VPS9D1: variants seen among roughly 807,000 people sequenced by gnomAD.
VPS9D1 encodes the protein VPS9 domain containing 1, also known as VPS9 domain-containing protein 1.
VPS9D1 carries 78 observed loss-of-function variants against 75.8 expected under a neutral mutation model. That is an observed-to-expected ratio of 1.03 (90% CI 0.86 to 1.24). The LOEUF (loss-of-function observed/expected upper bound fraction) is 1.24, where lower values mean the gene tolerates loss of function less well. Among genes scored for constraint, VPS9D1 ranks in the 50% most tolerant of loss-of-function variants. The probability of loss-of-function intolerance (pLI) is 0.00; values close to 1 mark genes in which losing one functional copy is unlikely to be tolerated. For synonymous variants in VPS9D1, 481 were observed against 385.6 expected, an observed-to-expected ratio of 1.25 and a Z score of -2.90; for missense variants, 1,057 against 847.7, an observed-to-expected ratio of 1.25 and a Z score of -3.07.
intron 6 of VPS9D1, 113 bp from the exon 7 acceptor site, chr16:89,712,212 GCTGTCCCC>G (rs1161107225): frequency 2.7e-6 from 4 of 1,471,316 alleles, no homozygotes; most frequent in Non-Finnish European, 3.7e-6. Flanking sequence ...TCGGTGAGGG[GCTGTCCCC>G]AGGTAAGGCT....
Position 89,710,911 on chromosome 16 carries a change from T to A in VPS9D1, c.933A>T (p.Pro311=). 1 of 1,490,212 alleles carries A rather than the reference T, an allele frequency of 6.7e-7. No homozygotes were observed. The highest frequency in any genetic ancestry group is 8.9e-7 in the Non-Finnish European group (1 of 1,124,970). 92.3% of individuals were successfully genotyped at this position (1,490,212 alleles called of 1,614,324 possible). Residue 311 remains proline, a synonymous_variant, in exon 10 of 15, where the codon CCA becomes CCT. Coordinates refer to ENST00000389386, the MANE Select transcript of VPS9D1 (RefSeq NM_004913.3). ...PAVSRAAAPA[P]GCCPPTPNPG... is the part of the protein sequence containing the mutation. Reference sequence around the variant, plus strand: ...GGTTGGGGGTCGGGGGGCAGCAGCCTGGGGCTGGCGCGGCTGCTCTGCTCA... The same window carrying A: ...GGTTGGGGGTCGGGGGGCAGCAGCCAGGGGCTGGCGCGGCTGCTCTGCTCA...
At chr16:89,710,515 G>A in intron 10 of VPS9D1, 71 bp downstream of exon 10, 1 of 1,488,200 alleles carries the variant, frequency 6.7e-7, no homozygotes, top group African/African-American at 1.4e-5. Flanking sequence ...TCCCCAAACA[G>A]AAGCTTGAAA....
intron 4 of VPS9D1, among the ~76,000 whole-genome samples, chr16:89,715,672 C>G (rs1423201729): frequency 1.3e-5 from 2 of 151,750 alleles, no homozygotes; most frequent in Admixed American, 1.3e-4. Context: ...CAGGGGCACA[C>G]CACTATGCCT....
rs377689894 is a variant in VPS9D1, at chr16:89,707,823, G to A, written c.*38C>T. 17 of 1,597,778 alleles carry A rather than the reference G, an allele frequency of 1.1e-5. No homozygotes were observed. Among genetic ancestry groups the A allele is most frequent in the East Asian group, 2.2e-5 (1 of 44,778 alleles). Reference sequence around the variant, plus strand: ...TGTAGGAGAGACAGCCCTGGGAGGCGAGGCCAGGCCCTGCAGGGACCCTGG... The same window carrying A: ...TGTAGGAGAGACAGCCCTGGGAGGCAAGGCCAGGCCCTGCAGGGACCCTGG... On this transcript the variant is annotated 3_prime_UTR_variant, in exon 15 of 15. Transcript: ENST00000389386.
In VPS9D1 at chr16:89,716,475, G is replaced by A; in HGVS notation, c.418C>T (p.Gln140Ter). 6.2e-7 allele frequency: 1 copy of A among 1,614,002 alleles called. No homozygotes were observed. Among genetic ancestry groups the A allele is most frequent in the East Asian group, 2.2e-5 (1 of 44,882 alleles). ...TGTCCATCTTACTTCTTACAGCTTT[G>A]TGACTCTGCCCCCTGAAGCTTCTGG... The part of the protein sequence containing the change: ...IFQKLQGAES[Q>*]SCKKELTPLE... Residue 140 changes from glutamine to a stop codon, truncating the protein, a stop_gained, in exon 4 of 15, where the codon CAA (glutamine) becomes TAA (stop). Coordinates refer to ENST00000389386, the MANE Select transcript of VPS9D1 (RefSeq NM_004913.3). LOFTEE classifies it high-confidence loss of function.
At position 89,707,952 on chromosome 16, in the gene VPS9D1, T is replaced by C. The variant is rs566042318; in HGVS notation, c.1805A>G (p.Tyr602Cys). Residue 602 changes from tyrosine (Y) to cysteine (C), a missense_variant and splice_region_variant, in exon 15 of 15, where the codon TAC becomes TGC. Physicochemically the swap from Tyr to Cys is radical, Grantham distance 194. Transcript: ENST00000389386. ...GCAGTAGCCCTCCTCTCCGATCAGGTACCTGCATGGATGGCAGGGGCAGCC... is the reference window on the plus strand; with the variant it reads ...GCAGTAGCCCTCCTCTCCGATCAGGCACCTGCATGGATGGCAGGGGCAGCC... ...AALEEFIHEGYLIGEEGYCLT... is the reference protein window; with the variant it reads ...AALEEFIHEGCLIGEEGYCLT... 6 of 1,612,880 alleles carry C rather than the reference T, an allele frequency of 3.7e-6. No homozygotes were observed. The East Asian group carries it at 1.1e-4, about 30-fold the overall frequency.
In VPS9D1 at chr16:89,719,016, C is replaced by T. The variant is rs2061165223; in HGVS notation, c.175+11G>A. ...GGCGTGAGCCACCGCGCCCGGCTGG[C>T]TGAGCCGTACCTTTAGTGGTTTCCA... On this transcript the variant is annotated intron_variant, in intron 2 of 14. Coordinates refer to ENST00000389386, the MANE Select transcript of VPS9D1 (RefSeq NM_004913.3). 1 of 1,610,786 alleles carries T rather than the reference C, an allele frequency of 6.2e-7. No homozygotes were observed. Among genetic ancestry groups the T allele is most frequent in the Admixed American group, 1.7e-5 (1 of 59,964 alleles).
At chr16:89,709,577 C>T in intron 11 of VPS9D1, 142 bp from the exon 12 acceptor site, 5 of 1,271,046 alleles carry the variant, frequency 3.9e-6, no homozygotes, top group Non-Finnish European at 5.3e-6. Flanking sequence ...AGACCCCAGG[C>T]ACGGGAGAGT....
chr16:89,717,311 T>G (rs1337988078), intron 2 of VPS9D1: 2 of 348,396 alleles, frequency 5.7e-6, no homozygotes, highest in Admixed American at 7.7e-5. Flanking sequence ...AAACAGGCCT[T>G]TAGTGCTCAC....
chr16:89,719,868 A>C (rs961639110), intron 1 of VPS9D1, among the ~76,000 whole-genome samples: 4 of 152,048 alleles, frequency 2.6e-5, no homozygotes, highest in African/African-American at 9.7e-5. Flanking sequence ...ACAGGTGTGC[A>C]CCGCCACACC....
At chr16:89,716,867 GTTAC>G (rs769498180) in intron 2 of VPS9D1, 45 bp from the exon 3 acceptor site, 20 of 1,513,274 alleles carry the variant, frequency 1.3e-5, no homozygotes, top group African/African-American at 1.1e-4. Flanking sequence ...CTCTACCACT[GTTAC>G]TTACTGCTGA....
chr16:89,717,735 C>G (rs1331658910), intron 2 of VPS9D1: 1 of 456,664 alleles, frequency 2.2e-6, no homozygotes, highest in East Asian at 6.9e-5. Flanking sequence ...AGGGGATCCT[C>G]TGCCACTCCT....
chr16:89,715,884 C>T (rs2061053027), intron 4 of VPS9D1, among the ~76,000 whole-genome samples: 1 of 151,186 alleles, frequency 6.6e-6, no homozygotes, highest in East Asian at 2.0e-4. Flanking sequence ...ACCATGTTGG[C>T]CAGGCTGGTC....
Position 89,711,865 on chromosome 16 carries a change from G to T in VPS9D1, c.747+17C>A, listed in dbSNP as rs1160432987. ...GCTGGGCTCCTCCTACAAAGCCTGG[G>T]CCCGTGGGGGACGCACATGGTCCTG... On this transcript the variant is annotated intron_variant, in intron 8 of 14. Transcript: ENST00000389386. 1.3e-6 allele frequency: 2 copies of T among 1,549,486 alleles called. No homozygotes were observed. The highest frequency in any genetic ancestry group is 2.0e-5 in the Admixed American group (1 of 50,954).
chr16:89,712,184 C>T (rs2060947733), intron 6 of VPS9D1, 85 bp from the exon 7 acceptor site: 1 of 1,528,750 alleles, frequency 6.5e-7, no homozygotes, highest in Non-Finnish European at 8.8e-7. Context: ...GAGGCCGGGA[C>T]GTCCCAGGGA....
chr16:89,709,040 T>A (rs1461649626), intron 12 of VPS9D1, 84 bp from the exon 13 acceptor site: 37 of 180,938 alleles, frequency 2.0e-4, no homozygotes, highest in Non-Finnish European at 2.8e-4. Flanking sequence ...CCCACCCACC[T>A]CCTGATGTGC....
chr16:89,711,086 G>A (rs915905094), intron 9 of VPS9D1, 76 bp from the exon 10 acceptor site: 8 of 1,385,398 alleles, frequency 5.8e-6, no homozygotes, highest in South Asian at 3.0e-5. Context: ...CGCTATGCCC[G>A]GTTTCAGAGA....
rs1440979785 is a variant in VPS9D1, at chr16:89,707,873, G to C, written c.1884C>G (p.Gly628=). The C allele has an allele frequency of 6.2e-7, 1 of 1,613,082 alleles. No individual in the cohort carries two copies. ...LSYVELLPRG[G]LAK is the part of the protein sequence containing the mutation. ...GGCTCTAGCTGTACTACTTGGCCAGGCCTCCCCGGGGCAGCAGCTCCACGT... is the reference window on the plus strand; with the variant it reads ...GGCTCTAGCTGTACTACTTGGCCAGCCCTCCCCGGGGCAGCAGCTCCACGT... The change falls in exon 15 of 15, where the codon GGC becomes GGG. Residue 628 remains glycine, a synonymous_variant. Coordinates refer to ENST00000389386, the MANE Select transcript of VPS9D1 (RefSeq NM_004913.3).
At position 89,707,890 on chromosome 16, in the gene VPS9D1, G is replaced by A. The variant is rs2060827343; in HGVS notation, c.1867C>T (p.Leu623=). ...TTGGCCAGGCCTCCCCGGGGCAGCA[G>A]CTCCACGTAGCTCAGGGCACTCTGC... is the stretch of plus-strand genomic sequence containing the variant. ...SLQSALSYVE[L]LPRGGLAK is the part of the protein sequence containing the mutation. The change falls in exon 15 of 15, where the codon CTG becomes TTG. Residue 623 remains leucine, a synonymous_variant. Transcript: ENST00000389386. 1.2e-6 allele frequency: 2 copies of A among 1,613,168 alleles called. No homozygotes were observed. The highest frequency in any genetic ancestry group is 2.2e-5 in the East Asian group (1 of 44,886).
Sources: allele counts gnomAD v4.1 joint callset (sites outside exome capture counted in the v4.1 genomes callset), GRCh38; gene constraint gnomAD v4.1.1; transcripts MANE v1.5; gene names NCBI Gene and HGNC (gene_info 2026-07-23, HGNC 2026-07-21).